Variants in PEBP4 observed in about 807,000 individuals in gnomAD.
The protein encoded by PEBP4 is phosphatidylethanolamine-binding protein 4.
Under a neutral mutation model 23.9 loss-of-function variants are expected in PEBP4, and 22 were observed. The observed-to-expected ratio is 0.92, with a 90% CI of 0.66 to 1.31. The LOEUF (loss-of-function observed/expected upper bound fraction) is 1.31. Among genes scored for constraint, PEBP4 ranks in the 40% most tolerant of loss-of-function variants. The pLI is 0.00. For missense variants in PEBP4, 324 were observed against 281.7 expected, an observed-to-expected ratio of 1.15 and a Z score of -1.07; for synonymous variants, 112 against 99.3, an observed-to-expected ratio of 1.13 and a Z score of -0.76.
intron 3 of PEBP4, among the ~76,000 whole-genome samples, chr8:22,879,677 G>A (rs140427167): frequency 9.8e-5 from 15 of 152,324 alleles, no homozygotes; most frequent in South Asian, 2.1e-4. Flanking sequence ...CAGGGAGCCT[G>A]CCCAGGGGTG....
chr8:22,852,607 A>G (rs1420004956), intron 3 of PEBP4, among the ~76,000 whole-genome samples: 1 of 152,106 alleles, frequency 6.6e-6, no homozygotes, highest in Non-Finnish European at 1.5e-5. Flanking sequence ...CTTGGTTCCA[A>G]CGGAGTCTTT....
At chr8:22,730,129 C>A (rs570801805) in intron 4 of PEBP4, among the ~76,000 whole-genome samples, 50 of 152,320 alleles carry the variant, frequency 3.3e-4, no homozygotes, top group African/African-American at 1.1e-3. Context: ...CCCATCAGTT[C>A]TATGGGAGGC....
upstream of PEBP4, among the ~76,000 whole-genome samples, chr8:22,929,071 G>C (rs1410602508): frequency 2.0e-5 from 3 of 152,214 alleles, no homozygotes; most frequent in Non-Finnish European, 4.4e-5. Context: ...AGTGGACAGA[G>C]TCTAATAGTA....
At chr8:22,751,703 T>C (rs1805270440) in intron 4 of PEBP4, among the ~76,000 whole-genome samples, 1 of 151,936 alleles carries the variant, frequency 6.6e-6, no homozygotes, top group Non-Finnish European at 1.5e-5. Flanking sequence ...GGGTTGCTCT[T>C]GACTGAAACC....
chr8:22,797,175 C>T (rs1423310801), intron 4 of PEBP4, among the ~76,000 whole-genome samples: 1 of 150,702 alleles, frequency 6.6e-6, no homozygotes, highest in Non-Finnish European at 1.5e-5. Flanking sequence ...AATCGCTTGA[C>T]CCAGGAGGCG....
At chr8:22,787,657 A>G (rs766427422) in intron 4 of PEBP4, among the ~76,000 whole-genome samples, 1 of 152,228 alleles carries the variant, frequency 6.6e-6, no homozygotes, top group African/African-American at 2.4e-5. Context: ...CCAATTCAAC[A>G]TGGCCTCTAC....
At chr8:22,797,182 G>A (rs1190299139) in intron 4 of PEBP4, among the ~76,000 whole-genome samples, 1 of 150,976 alleles carries the variant, frequency 6.6e-6, no homozygotes, top group African/African-American at 2.4e-5. Context: ...TGACCCAGGA[G>A]GCGGAGGTTG....
intron 3 of PEBP4, among the ~76,000 whole-genome samples, chr8:22,821,079 G>A (rs972681809): frequency 6.6e-6 from 1 of 152,046 alleles, no homozygotes; most frequent in African/African-American, 2.4e-5. Context: ...TATGGTTCCA[G>A]CTACTCGGGA....
chr8:22,802,472 C>T (rs1318257086), intron 4 of PEBP4, among the ~76,000 whole-genome samples: 1 of 152,246 alleles, frequency 6.6e-6, no homozygotes, highest in Non-Finnish European at 1.5e-5. Context: ...GTTCGGGCCT[C>T]GCCCCTGCTC....
intron 3 of PEBP4, among the ~76,000 whole-genome samples, chr8:22,875,981 C>A (rs1018449925): frequency 1.3e-5 from 2 of 152,106 alleles, no homozygotes; most frequent in Middle Eastern, 3.2e-3. Context: ...GTGATCTTGG[C>A]TCACTGCAAC....
At chr8:22,729,101 GTGTGGCCAAAGGGC>G (rs968059958) in intron 4 of PEBP4, among the ~76,000 whole-genome samples, 3 of 152,220 alleles carry the variant, frequency 2.0e-5, no homozygotes, top group African/African-American at 7.2e-5. Flanking sequence ...CCAGGCCCAG[GTGTGGCCAAAGGGC>G]TGTGGCCTGA....
At position 22,846,284 on chromosome 8, in the gene PEBP4, C is replaced by T. The variant is rs1022330341; in HGVS notation, c.259-28549G>A. On this transcript the variant is annotated intron_variant, in intron 3 of 6. Transcript: ENST00000256404. ...GAGTCCCGGGCCCCAGAGTTCTGGT[C>T]CTGCACGACCAGGGCTGGCTCCTTC... is the stretch of plus-strand genomic sequence containing the variant. 4.6e-4 allele frequency among the ~76,000 whole-genome samples: 70 copies of T among 152,120 alleles called. 1 individual carries two copies. The highest frequency in any genetic ancestry group is 3.1e-3 in the Admixed American group (48 of 15,280).
intron 3 of PEBP4, among the ~76,000 whole-genome samples, chr8:22,869,080 G>A (rs1807959286): frequency 6.6e-6 from 1 of 152,128 alleles, no homozygotes; most frequent in Non-Finnish European, 1.5e-5. Context: ...AAACACACCA[G>A]GCACTCCCCT....
chr8:22,827,766 G>A (rs1807003283), intron 3 of PEBP4, among the ~76,000 whole-genome samples: 1 of 152,190 alleles, frequency 6.6e-6, no homozygotes, highest in Admixed American at 6.5e-5. Flanking sequence ...GAACTGCTGG[G>A]TCATATTGTA....
chr8:22,752,968 CTA>C (rs760337008), intron 4 of PEBP4, among the ~76,000 whole-genome samples: 1 of 152,178 alleles, frequency 6.6e-6, no homozygotes, highest in East Asian at 1.9e-4. Context: ...CGTATTCCTG[CTA>C]TGTCTCCTCT....
chr8:22,795,164 T>TATATATATATA (rs1491200518), intron 4 of PEBP4, among the ~76,000 whole-genome samples: 41 of 17,482 alleles, frequency 2.3e-3, no homozygotes, highest in East Asian at 8.2e-3. Context: ...TATATATATA[T>TATATATATATA]TTTTTTTTTT....
Position 22,826,021 on chromosome 8 carries a change from G to C in PEBP4, c.259-8286C>G, listed in dbSNP as rs113013198. Among the ~76,000 whole-genome samples, 21 of 152,294 alleles carry C rather than the reference G, an allele frequency of 1.4e-4. 1 individual carries two copies. In the South Asian group the frequency reaches 3.3e-3, roughly 24 times the overall value. ...AGCAGAGAGGAATGGTGGTTGCCAG[G>C]GTTGGCGTGGGGTGGTGGGGGGACA... On this transcript the variant is annotated intron_variant, in intron 3 of 6. Transcript: ENST00000256404.
chr8:22,867,022 G>A (rs1252681730), intron 3 of PEBP4, among the ~76,000 whole-genome samples: 1 of 152,130 alleles, frequency 6.6e-6, no homozygotes, highest in East Asian at 1.9e-4. Context: ...GTAAATCTGT[G>A]TGATAGGAAC....
chr8:22,814,564 G>A (rs1240958504), intron 4 of PEBP4, among the ~76,000 whole-genome samples: 1 of 152,180 alleles, frequency 6.6e-6, no homozygotes, highest in African/African-American at 2.4e-5. Flanking sequence ...TGTCCCTACT[G>A]AAGGGTTCCT....
Sources: allele counts gnomAD v4.1 joint callset (sites outside exome capture counted in the v4.1 genomes callset), GRCh38; gene constraint gnomAD v4.1.1; transcripts MANE v1.5; gene names NCBI Gene and HGNC (gene_info 2026-07-23, HGNC 2026-07-21).